DNAJC3: variants seen among roughly 807,000 people sequenced by gnomAD.
DNAJC3 encodes the protein dnaJ homolog subfamily C member 3.
DNAJC3 carries 38 observed loss-of-function variants against 68.6 expected under a neutral mutation model. The observed-to-expected ratio is 0.55, with a 90% CI of 0.43 to 0.73. The LOEUF (loss-of-function observed/expected upper bound fraction) is 0.73, where lower values mean the gene tolerates loss of function less well. DNAJC3 is among the 30% of genes least tolerant of loss of function. The probability of loss-of-function intolerance (pLI) is 0.00; values close to 1 mark genes in which losing one functional copy is unlikely to be tolerated. For synonymous variants in DNAJC3, 203 were observed against 204.0 expected (o/e 1.00, Z 0.04); for missense variants, 526 against 591.9 (o/e 0.89, Z 1.16).
intron 4 of DNAJC3, among the ~76,000 whole-genome samples, chr13:95,753,991 T>C (rs950750363): frequency 6.6e-6 from 1 of 152,212 alleles, no homozygotes. Flanking sequence ...ATGGTAAAAC[T>C]TCCACACTGT....
At chr13:95,772,357 C>A (rs189934846) in intron 9 of DNAJC3, among the ~76,000 whole-genome samples, 2 of 152,052 alleles carry the variant, frequency 1.3e-5, no homozygotes, top group Non-Finnish European at 2.9e-5. Context: ...ATTATTCTAA[C>A]GGGCTTTTTT....
At chr13:95,680,391 T>C (rs1190041510) in intron 1 of DNAJC3, among the ~76,000 whole-genome samples, 1 of 152,182 alleles carries the variant, frequency 6.6e-6, no homozygotes, top group Non-Finnish European at 1.5e-5. Context: ...TAAGTTTTAT[T>C]TGAACCATGA....
At chr13:95,686,048 G>A (rs1038215579) in intron 1 of DNAJC3, among the ~76,000 whole-genome samples, 2 of 151,408 alleles carry the variant, frequency 1.3e-5, no homozygotes, top group Non-Finnish European at 2.9e-5. Flanking sequence ...TGCAAGCTCC[G>A]CCTCCCAGGT....
rs17885485 is a variant in DNAJC3, at chr13:95,709,416, T to G, written c.193+79T>G. 1.6e-3 allele frequency: 1,589 copies of G among 970,348 alleles called. 16 individuals carry two copies. In the African/African-American group the frequency reaches 0.025, roughly 16 times the overall value. 60.1% of individuals were successfully genotyped at this position (970,348 alleles called of 1,614,324 possible). A position where few individuals can be genotyped will look rare whatever the true frequency, so the allele number is the denominator to read the frequency against. ...TAGCTCTTTTTTTAAAAATAACATT[T>G]AAAATAAACATTATTTCATGTTTAA... On this transcript the variant is annotated intron_variant, in intron 2 of 11. Coordinates refer to ENST00000602402, the MANE Select transcript of DNAJC3 (RefSeq NM_006260.5).
chr13:95,794,153 T>C lies in DNAJC3; in HGVS notation c.*3123T>C, dbSNP rs1883888313. ...TTAAAGTATTGGTATGAAAACAAAT[T>C]TTTGTTGCCCTGATAATGGAATTTT... On this transcript the variant is annotated 3_prime_UTR_variant, in exon 12 of 12. Coordinates refer to ENST00000602402, the MANE Select transcript of DNAJC3 (RefSeq NM_006260.5). The C allele has an allele frequency of 6.6e-6, 1 of 152,188 alleles. No homozygotes were observed. 9.4% of individuals were successfully genotyped at this position (152,188 alleles called of 1,614,324 possible). A position where few individuals can be genotyped will look rare whatever the true frequency, so the allele number is the denominator to read the frequency against.
intron 4 of DNAJC3, chr13:95,745,423 C>T (rs1882273036): frequency 6.6e-6 from 1 of 152,240 alleles, no homozygotes; most frequent in South Asian, 2.1e-4. Context: ...CTCTTCTGCA[C>T]ATATGCCTGT....
chr13:95,747,270 A>G (rs1284825353), intron 4 of DNAJC3, among the ~76,000 whole-genome samples: 3 of 152,218 alleles, frequency 2.0e-5, no homozygotes, highest in African/African-American at 7.2e-5. Flanking sequence ...ATGATATATG[A>G]TAAGTGTGTG....
chr13:95,714,463 T>C (rs1019513437), intron 2 of DNAJC3, among the ~76,000 whole-genome samples: 1 of 151,158 alleles, frequency 6.6e-6, no homozygotes, highest in East Asian at 1.9e-4. Flanking sequence ...TGTAGAAATA[T>C]AATTTTTGTG....
chr13:95,702,070 G>A (rs767340736), intron 1 of DNAJC3, among the ~76,000 whole-genome samples: 2 of 151,964 alleles, frequency 1.3e-5, no homozygotes, highest in African/African-American at 2.4e-5. Context: ...AGTATACATG[G>A]CCCTAAATAC....
intron 4 of DNAJC3, among the ~76,000 whole-genome samples, chr13:95,738,898 G>C (rs1215505772): frequency 6.6e-6 from 1 of 151,890 alleles, no homozygotes; most frequent in Non-Finnish European, 1.5e-5. Context: ...CTCGTTAGTT[G>C]ATGCAGTTTC....
At chr13:95,736,121 C>T (rs1347632431) in intron 4 of DNAJC3, among the ~76,000 whole-genome samples, 1 of 152,058 alleles carries the variant, frequency 6.6e-6, no homozygotes, top group East Asian at 1.9e-4. Context: ...TGTCAAAGAT[C>T]AGATAGTTGT....
chr13:95,790,310 T>C (rs1883728394), intron 11 of DNAJC3, among the ~76,000 whole-genome samples: 1 of 152,212 alleles, frequency 6.6e-6, no homozygotes, highest in Non-Finnish European at 1.5e-5. Flanking sequence ...GTCTCTGCAT[T>C]GATCTCTCTC....
At chr13:95,704,696 A>G (rs1240342294) in intron 1 of DNAJC3, among the ~76,000 whole-genome samples, 1 of 152,054 alleles carries the variant, frequency 6.6e-6, no homozygotes, top group Non-Finnish European at 1.5e-5. Flanking sequence ...AAATAAAATC[A>G]ATCTGCCACT....
At chr13:95,787,690 T>A (rs1183498356) in intron 11 of DNAJC3, among the ~76,000 whole-genome samples, 1 of 152,102 alleles carries the variant, frequency 6.6e-6, no homozygotes, top group African/African-American at 2.4e-5. Flanking sequence ...TTTTAATTTT[T>A]ATTTTTTGTA....
At chr13:95,711,013 G>C (rs565060302) in intron 2 of DNAJC3, among the ~76,000 whole-genome samples, 2 of 152,266 alleles carry the variant, frequency 1.3e-5, no homozygotes, top group East Asian at 3.9e-4. Context: ...ATAAGATACA[G>C]CTGTGCTCCC....
At chr13:95,705,448 G>A (rs1295473510) in intron 1 of DNAJC3, among the ~76,000 whole-genome samples, 1 of 151,900 alleles carries the variant, frequency 6.6e-6, no homozygotes. Context: ...TCCTACAAAG[G>A]GGAGTGACAA....
chr13:95,735,930 T>C (rs1297575487), intron 4 of DNAJC3, among the ~76,000 whole-genome samples: 6 of 152,252 alleles, frequency 3.9e-5, no homozygotes, highest in South Asian at 2.1e-4. Flanking sequence ...GCCTAGGTTT[T>C]CTTCTAGGGT....
chr13:95,732,444 T>C (rs1338734623), intron 4 of DNAJC3, among the ~76,000 whole-genome samples: 1 of 152,192 alleles, frequency 6.6e-6, no homozygotes, highest in East Asian at 1.9e-4. Context: ...CCTCTAGATT[T>C]TCCAGTTTGT....
intron 2 of DNAJC3, among the ~76,000 whole-genome samples, chr13:95,721,326 G>A (rs1881315639): frequency 6.6e-6 from 1 of 152,114 alleles, no homozygotes; most frequent in Non-Finnish European, 1.5e-5. Context: ...GATGGACTTC[G>A]GGGTTGTTTC....
Sources: allele counts gnomAD v4.1 joint callset (sites outside exome capture counted in the v4.1 genomes callset), GRCh38; gene constraint gnomAD v4.1.1; transcripts MANE v1.5; gene names NCBI Gene and HGNC (gene_info 2026-07-23, HGNC 2026-07-21).